The following UBAC2 variants were observed in gnomAD, a reference collection of about 807,000 sequenced individuals.
UBAC2 encodes UBA domain containing 2, also known as ubiquitin-associated domain-containing protein 2.
In UBAC2, 26 loss-of-function variants were observed where a neutral mutation model predicts 44.0. The ratio of observed to expected loss-of-function variants is 0.59; its 90% CI spans 0.43 to 0.82. The LOEUF (loss-of-function observed/expected upper bound fraction) is 0.82. Among genes scored for constraint, UBAC2 ranks in the 40% least tolerant of loss-of-function variants. UBAC2 has a pLI of 0.00. For missense variants in UBAC2, 329 were observed against 419.4 expected, an observed-to-expected ratio of 0.78 and a Z score of 1.88; for synonymous variants, 155 against 154.3, an observed-to-expected ratio of 1.00 and a Z score of -0.04.
chr13:99,328,681 A>G (rs148859462), intron 6 of UBAC2, among the ~76,000 whole-genome samples: 73 of 152,018 alleles, frequency 4.8e-4, no homozygotes, highest in Non-Finnish European at 7.9e-4. Flanking sequence ...CATTTTGTTC[A>G]TTGGGCTATT....
At position 99,295,135 on chromosome 13, in the gene UBAC2, T is replaced by C; in HGVS notation, c.390-18962T>C. On this transcript the variant is annotated intron_variant, in intron 4 of 8. Coordinates refer to ENST00000403766, the MANE Select transcript of UBAC2 (RefSeq NM_001144072.2). The surrounding 1 kb of genome is among the most constrained non-coding windows in gnomAD (Gnocchi z 4.1). ...TTTCACGTGAATTTTCTTCAGGGGC[T>C]GACTTCACAGCACTAGAAATCGATA... 1.2e-6 allele frequency: 2 copies of C among 1,614,170 alleles called. No individual in the cohort carries two copies. The highest frequency in any genetic ancestry group is 2.2e-5 in the South Asian group (2 of 91,084).
At chr13:99,238,588 G>T in intron 2 of UBAC2, 34 bp downstream of exon 2, 1 of 1,502,012 alleles carries the variant, frequency 6.7e-7, no homozygotes, top group Middle Eastern at 1.8e-4. Flanking sequence ...TGAGAGGAGA[G>T]CGGACAGTTT....
intron 4 of UBAC2, chr13:99,255,537 A>T (rs781365371): frequency 6.2e-7 from 1 of 1,614,224 alleles, no homozygotes; most frequent in Non-Finnish European, 8.5e-7. Context: ...TAATAAAGGC[A>T]AGAAGCCATA....
At chr13:99,383,775 C>T (rs1445748777) in intron 8 of UBAC2, among the ~76,000 whole-genome samples, 1 of 152,262 alleles carries the variant, frequency 6.6e-6, no homozygotes, top group Non-Finnish European at 1.5e-5. Flanking sequence ...GGCTGGACTC[C>T]AGCTTCTGAG....
At chr13:99,329,861 A>C (rs1017338423) in intron 6 of UBAC2, among the ~76,000 whole-genome samples, 1 of 152,152 alleles carries the variant, frequency 6.6e-6, no homozygotes, top group Admixed American at 6.5e-5. Context: ...TCCTGCCCCC[A>C]CAGAAATTGG....
chr13:99,328,968 A>T (rs543424747), intron 6 of UBAC2, among the ~76,000 whole-genome samples: 1 of 152,292 alleles, frequency 6.6e-6, no homozygotes, highest in Non-Finnish European at 1.5e-5. Flanking sequence ...TAGGTCTGTG[A>T]TCCAGTTTGA....
In UBAC2 at chr13:99,361,775, G is replaced by A. The variant is rs1160088139; in HGVS notation, c.808-6012G>A. 2.6e-5 allele frequency among the ~76,000 whole-genome samples: 4 copies of A among 152,088 alleles called. No individual in the cohort carries two copies. The South Asian group carries it at 6.2e-4, about 24-fold the overall frequency. On this transcript the variant is annotated intron_variant, in intron 7 of 8. Coordinates refer to ENST00000403766, the MANE Select transcript of UBAC2 (RefSeq NM_001144072.2). Reference sequence around the variant, plus strand: ...ACAACCAAAACTGTGAGCAGACATTGCCAAATATCTCCTGGATTGGGGGTA... The same window carrying A: ...ACAACCAAAACTGTGAGCAGACATTACCAAATATCTCCTGGATTGGGGGTA...
chr13:99,201,259 G>C (rs1222718722), intron 1 of UBAC2: 3 of 1,444,330 alleles, frequency 2.1e-6, no homozygotes, highest in Non-Finnish European at 2.7e-6. Context: ...CCGGCCCCAG[G>C]CCCTTTGCGG....
intron 8 of UBAC2, among the ~76,000 whole-genome samples, chr13:99,378,241 A>G (rs1409507333): frequency 6.6e-6 from 1 of 152,138 alleles, no homozygotes; most frequent in African/African-American, 2.4e-5. Flanking sequence ...AAACTTCAAT[A>G]TCTGGCTGGG....
intron 1 of UBAC2, among the ~76,000 whole-genome samples, chr13:99,209,586 G>T (rs944266631): frequency 1.3e-5 from 2 of 152,088 alleles, no homozygotes; most frequent in Non-Finnish European, 2.9e-5. Context: ...GCCCAAACCT[G>T]AACAGCTCGT....
chr13:99,244,771 G>T, intron 4 of UBAC2, 147 bp downstream of exon 4: 1 of 468,666 alleles, frequency 2.1e-6, no homozygotes, highest in South Asian at 4.0e-5. Flanking sequence ...TCTAATCTAT[G>T]CCTACATTTT....
chr13:99,337,256 A>G (rs2044802625), intron 6 of UBAC2, among the ~76,000 whole-genome samples: 1 of 152,158 alleles, frequency 6.6e-6, no homozygotes, highest in African/African-American at 2.4e-5. Flanking sequence ...GAAAATTGGT[A>G]TCTTAAAAGT....
chr13:99,350,550 G>A (rs972872550), intron 7 of UBAC2, among the ~76,000 whole-genome samples: 7 of 152,260 alleles, frequency 4.6e-5, no homozygotes, highest in Admixed American at 4.6e-4. Flanking sequence ...GTGTGCTGGA[G>A]CAGGGTGCAG....
intron 6 of UBAC2, among the ~76,000 whole-genome samples, chr13:99,327,045 A>G (rs558226171): frequency 1.3e-5 from 2 of 152,230 alleles, no homozygotes; most frequent in Non-Finnish European, 2.9e-5. Context: ...AATATGAAGA[A>G]TGTGGCCTAT....
intron 4 of UBAC2, among the ~76,000 whole-genome samples, chr13:99,288,363 A>T (rs1305744659): frequency 9.2e-5 from 14 of 152,212 alleles, no homozygotes; most frequent in Admixed American, 9.2e-4. Flanking sequence ...AGTGGACAGG[A>T]TGTCTAAGAG....
At chr13:99,290,371 A>G (rs1718219188) in intron 4 of UBAC2, among the ~76,000 whole-genome samples, 1 of 152,192 alleles carries the variant, frequency 6.6e-6, no homozygotes, top group Admixed American at 6.5e-5. Flanking sequence ...CCTGGGGGAA[A>G]GAGGTTGTAA....
At chr13:99,383,140 TTAG>T (rs373974695) in intron 8 of UBAC2, among the ~76,000 whole-genome samples, 5 of 152,332 alleles carry the variant, frequency 3.3e-5, no homozygotes, top group Non-Finnish European at 7.4e-5. Flanking sequence ...ATATGATGCA[TTAG>T]TAGTGTGCAT....
intron 1 of UBAC2, among the ~76,000 whole-genome samples, chr13:99,228,922 A>G (rs916302886): frequency 2.0e-5 from 3 of 152,236 alleles, no homozygotes; most frequent in Non-Finnish European, 4.4e-5. Flanking sequence ...GACAAGTACA[A>G]TAACCACAGT....
At chr13:99,312,346 A>G (rs1234876633) in intron 4 of UBAC2, among the ~76,000 whole-genome samples, 1 of 152,182 alleles carries the variant, frequency 6.6e-6, no homozygotes, top group Non-Finnish European at 1.5e-5. Context: ...CATTTTCCCA[A>G]AAGTGGGAAA....
Sources: gnomAD v4.1 joint callset for allele counts (sites outside exome capture counted in the v4.1 genomes callset) on GRCh38, gnomAD v4.1.1 for gene constraint, Gnocchi (gnomAD v3.1) non-coding constraint, MANE v1.5 for transcripts, NCBI Gene and HGNC (gene_info 2026-07-23, HGNC 2026-07-21) for gene names.